SOD2: variants seen among roughly 807,000 people sequenced by gnomAD.
The protein encoded by SOD2 is superoxide dismutase 2.
Under a neutral mutation model 27.0 loss-of-function variants are expected in SOD2, and 11 were observed. The observed-to-expected ratio is 0.41, with a 90% CI of 0.26 to 0.67. SOD2 has a LOEUF of 0.67. Among genes scored for constraint, SOD2 ranks in the 30% least tolerant of loss-of-function variants. The probability of loss-of-function intolerance (pLI) is 0.34; values close to 1 mark genes in which losing one functional copy is unlikely to be tolerated. For missense variants in SOD2, 250 were observed against 274.5 expected, an observed-to-expected ratio of 0.91 and a Z score of 0.63; for synonymous variants, 105 against 103.0, an observed-to-expected ratio of 1.02 and a Z score of -0.12.
At chr6:159,728,354 G>C (rs2114857627), upstream of SOD2, among the ~76,000 whole-genome samples, 1 of 152,172 alleles carries the variant, frequency 6.6e-6, no homozygotes, top group South Asian at 2.1e-4. Context: ...TCACTTGGTT[G>C]TTTGATCCCA....
intron 1 of SOD2, among the ~76,000 whole-genome samples, chr6:159,744,631 T>C (rs2114932287): frequency 6.6e-6 from 1 of 152,348 alleles, no homozygotes; most frequent in South Asian, 2.1e-4. Flanking sequence ...ACGTATTTAC[T>C]CTTCTTTCAC....
At chr6:159,746,500 C>T (rs1171772675), upstream of SOD2, among the ~76,000 whole-genome samples, 1 of 143,068 alleles carries the variant, frequency 7.0e-6, no homozygotes, top group Non-Finnish European at 1.6e-5. Flanking sequence ...TTTGTTTGTC[C>T]AGCATACTAA....
intron 1 of SOD2, among the ~76,000 whole-genome samples, chr6:159,711,184 C>T (rs1364851166): frequency 1.1e-5 from 1 of 90,252 alleles, no homozygotes; most frequent in African/African-American, 5.8e-5. Flanking sequence ...CCATAACCAC[C>T]TCCACAACCA....
intron 1 of SOD2, chr6:159,712,836 CCA>C: frequency 1.7e-6 from 1 of 589,376 alleles, no homozygotes. Flanking sequence ...ACCATAAGCA[CCA>C]CCACTTGCCC....
Position 159,675,890 on chromosome 6 carries a change from AC to A in SOD2, c.*6602del, listed in dbSNP as rs1177817967. On this transcript the variant is annotated 3_prime_UTR_variant, in exon 5 of 5. Transcript: ENST00000538183. ...TATCCAGAATCTACAAGGAACTCAA[AC>A]AAACTTACAAGAAAAAAACAAACCC... The A allele has an allele frequency of 3.3e-5, 5 of 152,210 alleles. No homozygotes were observed. The highest frequency in any genetic ancestry group is 9.7e-5 in the African/African-American group (4 of 41,436). 9.4% of individuals were successfully genotyped at this position (152,210 alleles called of 1,614,324 possible). A position where few individuals can be genotyped will look rare whatever the true frequency, so the allele number is the denominator to read the frequency against.
At chr6:159,759,438 G>A (rs1322305469) in intron 1 of SOD2, among the ~76,000 whole-genome samples, 7 of 150,768 alleles carry the variant, frequency 4.6e-5, no homozygotes, top group South Asian at 2.1e-4. Flanking sequence ...TTGGGAGGCC[G>A]AGGTGGGCGG....
rs898337292 is a variant in SOD2, at chr6:159,679,701, T to G, written c.*2792A>C. On this transcript the variant is annotated 3_prime_UTR_variant, in exon 5 of 5. Transcript: ENST00000538183. ...ACTAGGGCAGGCACTGCTGATTCAG[T>G]CACAAAAACCCTTCTTGGATGAACA... The G allele has an allele frequency of 6.6e-6, 1 of 152,236 alleles. No individual in the cohort carries two copies. The highest frequency in any genetic ancestry group is 2.4e-5 in the African/African-American group (1 of 41,468). The allele number at this position is 152,236 out of a possible 1,614,324, so 9.4% of individuals were successfully genotyped here. A position where few individuals can be genotyped will look rare whatever the true frequency, so the allele number is the denominator to read the frequency against.
chr6:159,715,485 G>A (rs1240775159), intron 1 of SOD2, among the ~76,000 whole-genome samples: 4 of 152,056 alleles, frequency 2.6e-5, no homozygotes, highest in Admixed American at 6.6e-5. Flanking sequence ...ACAAAAAACC[G>A]TCCTTTTAAA....
chr6:159,747,535 A>G (rs545461537), upstream of SOD2, among the ~76,000 whole-genome samples: 254 of 152,306 alleles, frequency 1.7e-3, 2 homozygotes, highest in African/African-American at 5.9e-3. Flanking sequence ...TTGCTTTTAT[A>G]AAGCTGTAAC....
At chr6:159,688,072 A>G in intron 3 of SOD2, 54 bp downstream of exon 3, 1 of 971,974 alleles carries the variant, frequency 1.0e-6, no homozygotes, top group Non-Finnish European at 1.6e-6. Flanking sequence ...TAAATCAACA[A>G]TCGATTCCTA....
chr6:159,681,839 TA>T lies in SOD2; in HGVS notation c.*653del. 1 of 152,208 alleles carries T rather than the reference TA, an allele frequency of 6.6e-6. No homozygotes were observed. The highest frequency in any genetic ancestry group is 1.5e-5 in the Non-Finnish European group (1 of 68,056). 9.4% of individuals were successfully genotyped at this position (152,208 alleles called of 1,614,324 possible). On this transcript the variant is annotated 3_prime_UTR_variant, in exon 5 of 5. Coordinates refer to ENST00000538183, the MANE Select transcript of SOD2 (RefSeq NM_000636.4). ...TTCTCCTTGCTTGGCGCCCTGCAAA[TA>T]AACATCCTCCTTTCTCCTACTGCAA...
intron 1 of SOD2, among the ~76,000 whole-genome samples, chr6:159,720,745 T>C (rs1475054040): frequency 2.0e-5 from 3 of 152,010 alleles, no homozygotes; most frequent in Non-Finnish European, 4.4e-5. Context: ...TTGTATTCTC[T>C]GTAAACTGGA....
intron 1 of SOD2, chr6:159,713,496 C>T (rs1275512268): frequency 7.5e-6 from 5 of 665,564 alleles, no homozygotes; most frequent in South Asian, 3.5e-5. Flanking sequence ...TCTTCAATGC[C>T]GTCTCAGCTA....
intron 1 of SOD2, among the ~76,000 whole-genome samples, chr6:159,759,467 C>T (rs376115269): frequency 2.6e-5 from 4 of 151,238 alleles, no homozygotes; most frequent in East Asian, 2.0e-4. Context: ...GTCAGGAGTT[C>T]GAGATCAGCC....
At chr6:159,746,226 G>A (rs1779565626), upstream of SOD2, among the ~76,000 whole-genome samples, 1 of 152,222 alleles carries the variant, frequency 6.6e-6, no homozygotes, top group East Asian at 1.9e-4. Flanking sequence ...CAAGTGGGAA[G>A]TGAGAGAAAC....
intron 1 of SOD2, among the ~76,000 whole-genome samples, chr6:159,702,192 C>T (rs2114808357): frequency 6.6e-6 from 1 of 152,250 alleles, no homozygotes; most frequent in East Asian, 1.9e-4. Context: ...TAGTGGCTAA[C>T]ACCTGTAATC....
At chr6:159,691,467 TCAA>T (rs1466862125) in intron 2 of SOD2, 1 of 152,160 alleles carries the variant, frequency 6.6e-6, no homozygotes, top group African/African-American at 2.4e-5. Context: ...TAAAAATTAC[TCAA>T]CAAATTTCAT....
upstream of SOD2, among the ~76,000 whole-genome samples, chr6:159,693,933 C>T (rs1434990322): frequency 1.3e-5 from 2 of 152,258 alleles, no homozygotes; most frequent in African/African-American, 4.8e-5. Flanking sequence ...CTTGGACACC[C>T]ACGACGTGCC....
chr6:159,761,972 G>A, exon 1 of SOD2: 1 of 1,208,070 alleles, frequency 8.3e-7, no homozygotes, highest in Non-Finnish European at 1.2e-6. Flanking sequence ...GCGGGGAGGT[G>A]GAGGGCGAGG....
Sources: allele counts gnomAD v4.1 joint callset (sites outside exome capture counted in the v4.1 genomes callset), GRCh38; gene constraint gnomAD v4.1.1; transcripts MANE v1.5; gene names NCBI Gene and HGNC (gene_info 2026-07-23, HGNC 2026-07-21).